Variants in UNC5B observed in about 807,000 individuals in gnomAD.
The protein encoded by UNC5B is netrin receptor UNC5B.
A neutral mutation model predicts 103.7 loss-of-function variants in UNC5B; 56 were observed. The observed-to-expected ratio is 0.54, with a 90% CI of 0.44 to 0.67. The LOEUF (loss-of-function observed/expected upper bound fraction) is 0.67. Ranked by LOEUF, UNC5B falls within the 30% of genes least tolerant of loss-of-function variation. UNC5B has a pLI of 0.00. For synonymous variants in UNC5B, 577 were observed against 542.0 expected (o/e 1.06, Z -0.90); for missense variants, 1,194 against 1,284.5 (o/e 0.93, Z 1.08).
chr10:71,277,053 C>T (rs866758027), intron 1 of UNC5B, among the ~76,000 whole-genome samples: 1 of 152,222 alleles, frequency 6.6e-6, no homozygotes, highest in Admixed American at 6.5e-5. Context: ...GGCTGCCAGA[C>T]GCAGGGCCTG....
intron 1 of UNC5B, among the ~76,000 whole-genome samples, chr10:71,249,976 C>T (rs556340549): frequency 1.3e-5 from 2 of 152,300 alleles, no homozygotes; most frequent in South Asian, 4.1e-4. Context: ...TGTTTAGGCT[C>T]AGGAGAACAG....
chr10:71,234,894 A>G (rs1023283288), intron 1 of UNC5B, among the ~76,000 whole-genome samples: 1 of 152,120 alleles, frequency 6.6e-6, no homozygotes, highest in Non-Finnish European at 1.5e-5. Context: ...AGGGAGACTC[A>G]TCCTAAAAGC....
chr10:71,251,472 C>T (rs1017688093), intron 1 of UNC5B, among the ~76,000 whole-genome samples: 4 of 152,142 alleles, frequency 2.6e-5, no homozygotes, highest in Admixed American at 1.3e-4. Flanking sequence ...ACTTGCAGGC[C>T]CCAGAGCACA....
At chr10:71,286,890 G>A in intron 5 of UNC5B, 21 bp downstream of exon 5, 2 of 1,609,886 alleles carry the variant, frequency 1.2e-6, no homozygotes, top group Non-Finnish European at 1.7e-6. Flanking sequence ...TTCGGAGTGG[G>A]AGGGGCAGAC....
intron 1 of UNC5B, among the ~76,000 whole-genome samples, chr10:71,214,756 TG>T (rs996579430): frequency 1.3e-5 from 2 of 152,124 alleles, no homozygotes; most frequent in Non-Finnish European, 2.9e-5. Context: ...GTTCTCTGGG[TG>T]GGTGGGCTTG....
chr10:71,266,780 G>A (rs183491957), intron 1 of UNC5B, among the ~76,000 whole-genome samples: 3 of 152,312 alleles, frequency 2.0e-5, no homozygotes, highest in African/African-American at 4.8e-5. Flanking sequence ...CCTGTCCACA[G>A]TTTCAGTTAC....
chr10:71,248,020 T>G (rs1844078254), intron 1 of UNC5B, among the ~76,000 whole-genome samples: 2 of 151,940 alleles, frequency 1.3e-5, no homozygotes, highest in Non-Finnish European at 2.9e-5. Flanking sequence ...TGGGTAGGAG[T>G]GGACTCAATT....
intron 1 of UNC5B, among the ~76,000 whole-genome samples, chr10:71,232,116 A>C (rs1211775584): frequency 6.6e-6 from 1 of 152,156 alleles, no homozygotes; most frequent in Non-Finnish European, 1.5e-5. Flanking sequence ...ACCCTCATAG[A>C]TGAGTTGAAA....
chr10:71,280,367 C>T (rs1355527513), intron 2 of UNC5B, among the ~76,000 whole-genome samples: 1 of 152,110 alleles, frequency 6.6e-6, no homozygotes, highest in Non-Finnish European at 1.5e-5. Context: ...GTCTCTGCCT[C>T]ACAGCCCTGG....
At chr10:71,236,829 A>G (rs1843784392) in intron 1 of UNC5B, among the ~76,000 whole-genome samples, 2 of 152,170 alleles carry the variant, frequency 1.3e-5, no homozygotes, top group Non-Finnish European at 2.9e-5. Context: ...GTGAACCCCC[A>G]TATTTATCAT....
chr10:71,241,920 C>G (rs1156871510), intron 1 of UNC5B, among the ~76,000 whole-genome samples: 2 of 152,098 alleles, frequency 1.3e-5, no homozygotes, highest in Non-Finnish European at 1.5e-5. Flanking sequence ...TGATTACAGC[C>G]TGGAGGGAAT....
intron 1 of UNC5B, among the ~76,000 whole-genome samples, chr10:71,278,633 G>C (rs180689055): frequency 1.3e-5 from 2 of 152,332 alleles, no homozygotes; most frequent in South Asian, 2.1e-4. Flanking sequence ...CTGTAGGGGG[G>C]ACTCCCTAGA....
At position 71,213,159 on chromosome 10, in the gene UNC5B, C is replaced by T; in HGVS notation, c.79+95C>T. The T allele has an allele frequency of 1.9e-6, 2 of 1,067,134 alleles. No individual in the cohort carries two copies. The highest frequency in any genetic ancestry group is 2.4e-6 in the Non-Finnish European group (2 of 834,384). The allele number at this position is 1,067,134 out of a possible 1,614,324, so 66.1% of individuals were successfully genotyped here. On this transcript the variant is annotated intron_variant, in intron 1 of 16. Transcript: ENST00000335350. This position sits in a 1 kb window ranked among gnomAD's most constrained non-coding sequence, Gnocchi z 4.1. ...GGTGGTCTTTCGTCGCATCGATGCG[C>T]GCAGGAAAAGCGGCAAGGGCGCCCA...
chr10:71,227,717 C>T (rs920205198), intron 1 of UNC5B, among the ~76,000 whole-genome samples: 164 of 137,814 alleles, frequency 1.2e-3, no homozygotes, highest in African/African-American at 4.2e-3. Flanking sequence ...TACACACACA[C>T]ACACACACAC....
chr10:71,282,736 T>A (rs1844962460), intron 2 of UNC5B, among the ~76,000 whole-genome samples: 1 of 151,804 alleles, frequency 6.6e-6, no homozygotes, highest in South Asian at 2.1e-4. Context: ...GACGGGGCTG[T>A]CCCCCATCTG....
intron 1 of UNC5B, among the ~76,000 whole-genome samples, chr10:71,265,879 G>C (rs576232494): frequency 6.6e-6 from 1 of 152,150 alleles, no homozygotes; most frequent in Non-Finnish European, 1.5e-5. Context: ...ACATGCCTTA[G>C]TGTGATGCCA....
chr10:71,251,153 T>G (rs1479317538), intron 1 of UNC5B, among the ~76,000 whole-genome samples: 2 of 152,166 alleles, frequency 1.3e-5, no homozygotes, highest in African/African-American at 4.8e-5. Flanking sequence ...GGACTCAGAG[T>G]GGGTAATCTG....
chr10:71,227,896 G>A lies in UNC5B; in HGVS notation c.79+14832G>A, dbSNP rs557720464. 2.6e-4 allele frequency among the ~76,000 whole-genome samples: 40 copies of A among 151,984 alleles called. 1 individual carries two copies. The South Asian group carries it at 8.3e-3, about 32-fold the overall frequency. On this transcript the variant is annotated intron_variant, in intron 1 of 16. Transcript: ENST00000335350. ...TAGCAAATGTGATTAAATGAGAGAA[G>A]TCAATTAGAAGCATTAGAAAGGGGT...
intron 1 of UNC5B, among the ~76,000 whole-genome samples, chr10:71,221,094 C>G (rs774940493): frequency 6.6e-6 from 1 of 152,236 alleles, no homozygotes; most frequent in Non-Finnish European, 1.5e-5. Flanking sequence ...AGAGGCCCCT[C>G]TGGAAAGTCA....
Sources: gnomAD v4.1 joint callset for allele counts (sites outside exome capture counted in the v4.1 genomes callset) on GRCh38, gnomAD v4.1.1 for gene constraint, Gnocchi (gnomAD v3.1) non-coding constraint, MANE v1.5 for transcripts, NCBI Gene and HGNC (gene_info 2026-07-23, HGNC 2026-07-21) for gene names.